Variants in HOOK3 observed in about 807,000 individuals in gnomAD.
The protein encoded by HOOK3 is protein Hook homolog 3.
A neutral mutation model predicts 116.3 loss-of-function variants in HOOK3; 24 were observed. The observed-to-expected ratio is 0.21, with a 90% CI of 0.15 to 0.29. HOOK3 has a LOEUF of 0.29. Among genes scored for constraint, HOOK3 ranks in the 10% least tolerant of loss-of-function variants. HOOK3 has a pLI of 1.00. For missense variants in HOOK3, 632 were observed against 830.2 expected (o/e 0.76, Z 2.93); for synonymous variants, 275 against 283.0 (o/e 0.97, Z 0.28).
intron 6 of HOOK3, 24 bp from the exon 7 acceptor site, chr8:42,957,070 T>A (rs886565609): frequency 6.7e-7 from 1 of 1,481,652 alleles, no homozygotes. Flanking sequence ...CTCATAGTTA[T>A]AATCATTTAA....
intron 8 of HOOK3, among the ~76,000 whole-genome samples, chr8:42,960,392 T>C (rs1056705230): frequency 6.6e-6 from 1 of 152,152 alleles, no homozygotes; most frequent in African/African-American, 2.4e-5. Flanking sequence ...AGAGAGGTTA[T>C]GAGAAGAGAA....
At chr8:42,991,252 A>G (rs1386408572) in intron 15 of HOOK3, among the ~76,000 whole-genome samples, 1 of 152,184 alleles carries the variant, frequency 6.6e-6, no homozygotes, top group East Asian at 1.9e-4. Context: ...CTTTTTGCTT[A>G]GAATAGCTTT....
chr8:42,929,166 C>T (rs1468170738), intron 3 of HOOK3, among the ~76,000 whole-genome samples: 1 of 151,974 alleles, frequency 6.6e-6, no homozygotes, highest in African/African-American at 2.4e-5. Context: ...ATTAAAAATA[C>T]GGGAAAATGA....
chr8:43,001,756 A>G (rs780047820), intron 16 of HOOK3, among the ~76,000 whole-genome samples: 2 of 152,158 alleles, frequency 1.3e-5, no homozygotes, highest in Non-Finnish European at 2.9e-5. Context: ...AAGTGTCTTA[A>G]AGGAAGTCTA....
chr8:42,896,992 C>A lies in HOOK3; in HGVS notation c.-140C>A. ...GGTGACGGTGCGGAGCCGCTGCCAG[C>A]GCTGGGCGAGAGTCGGCGGCCGGAT... On this transcript the variant is annotated 5_prime_UTR_variant, in exon 1 of 22. Coordinates refer to ENST00000307602, the MANE Select transcript of HOOK3 (RefSeq NM_032410.4). 1.9e-6 allele frequency: 1 copy of A among 517,116 alleles called. No individual in the cohort carries two copies. Among genetic ancestry groups the A allele is most frequent in the South Asian group, 9.8e-5 (1 of 10,162 alleles). 32.0% of individuals were successfully genotyped at this position (517,116 alleles called of 1,614,324 possible).
At chr8:42,939,001 C>T (rs902558784) in intron 4 of HOOK3, among the ~76,000 whole-genome samples, 1 of 152,162 alleles carries the variant, frequency 6.6e-6, no homozygotes, top group East Asian at 1.9e-4. Context: ...TGAGTGGATA[C>T]AGCACATGTT....
chr8:43,027,751 T>G lies in HOOK3; in HGVS notation c.*9253T>G, dbSNP rs986587511. ...GAGTAGATTATTCAGTAGCCACATG[T>G]GACAGTTAAAATTAAGTAAAATTAA... is the stretch of plus-strand genomic sequence containing the variant. On this transcript the variant is annotated 3_prime_UTR_variant, in exon 22 of 22. Coordinates refer to ENST00000307602, the MANE Select transcript of HOOK3 (RefSeq NM_032410.4). 1.4e-5 allele frequency: 3 copies of G among 207,314 alleles called. No individual in the cohort carries two copies. The highest frequency in any genetic ancestry group is 3.0e-5 in the Non-Finnish European group (3 of 101,300). 12.8% of individuals were successfully genotyped at this position (207,314 alleles called of 1,614,324 possible).
At chr8:43,008,744 C>G (rs1458609069) in intron 18 of HOOK3, among the ~76,000 whole-genome samples, 19 of 147,172 alleles carry the variant, frequency 1.3e-4, no homozygotes, top group African/African-American at 3.8e-4. Flanking sequence ...ACTGCAAGCT[C>G]CACCTCCCGG....
intron 7 of HOOK3, among the ~76,000 whole-genome samples, chr8:42,958,140 G>T (rs1416608656): frequency 1.3e-5 from 2 of 151,986 alleles, no homozygotes; most frequent in African/African-American, 4.8e-5. Context: ...CCTAAATATC[G>T]CTTCTTAATG....
intron 5 of HOOK3, among the ~76,000 whole-genome samples, chr8:42,948,561 T>G (rs1279246796): frequency 6.6e-6 from 1 of 152,176 alleles, no homozygotes; most frequent in Admixed American, 6.5e-5. Flanking sequence ...TTTCCTTCAC[T>G]TTCAATAGGC....
intron 21 of HOOK3, 48 bp from the exon 22 acceptor site, chr8:43,018,310 T>G (rs1701347932): frequency 6.6e-7 from 1 of 1,520,390 alleles, no homozygotes; most frequent in African/African-American, 1.4e-5. Context: ...TTGTGAAGTA[T>G]GTTCCACTAT....
intron 6 of HOOK3, among the ~76,000 whole-genome samples, chr8:42,951,241 A>C (rs1394746449): frequency 6.6e-6 from 1 of 151,452 alleles, no homozygotes; most frequent in Non-Finnish European, 1.5e-5. Context: ...TTGTATTTTT[A>C]ATAGAGACAG....
intron 4 of HOOK3, among the ~76,000 whole-genome samples, chr8:42,933,890 A>G (rs922784104): frequency 2.6e-5 from 4 of 152,092 alleles, no homozygotes; most frequent in South Asian, 2.1e-4. Context: ...GGGACCTTTT[A>G]GGTCCTTTTT....
At chr8:43,015,704 A>T (rs1196769875) in intron 21 of HOOK3, among the ~76,000 whole-genome samples, 1 of 152,148 alleles carries the variant, frequency 6.6e-6, no homozygotes, top group Non-Finnish European at 1.5e-5. Context: ...TTCAGGCCTT[A>T]TTAATAATTT....
intron 14 of HOOK3, among the ~76,000 whole-genome samples, chr8:42,983,333 CAAA>C (rs1307077397): frequency 3.6e-5 from 2 of 55,816 alleles, no homozygotes. Context: ...GACTCTGTCT[CAAA>C]AAAAAAAAAA....
chr8:42,964,562 C>A, intron 9 of HOOK3, 88 bp downstream of exon 9: 1 of 1,199,472 alleles, frequency 8.3e-7, no homozygotes, highest in Non-Finnish European at 1.2e-6. Context: ...CACATTGGTC[C>A]ATGCCTGGAA....
Position 42,964,352 on chromosome 8 carries a change from G to T in HOOK3, c.657G>T (p.Glu219Asp), listed in dbSNP as rs767999951. The change falls in exon 9 of 22, where the codon GAG becomes GAT. Residue 219 changes from glutamate (E) to aspartate (D), a missense_variant. By Grantham distance (45) the Glu-to-Asp change is conservative. Around this residue, in one of 3 missense-constraint regions of HOOK3, gnomAD observed 483 missense variants for 648.1 expected, o/e 0.75. Transcript: ENST00000307602. ...LQEEKSSLLAENQVLMERLNQ... is the reference protein window; with the variant it reads ...LQEEKSSLLADNQVLMERLNQ... ...AAGAGAAAAGTAGTTTGTTGGCAGA[G>T]AATCAGGTATTAATGGAAAGACTCA... 2 of 1,614,146 alleles carry T rather than the reference G, an allele frequency of 1.2e-6. No homozygotes were observed. The highest frequency in any genetic ancestry group is 1.7e-6 in the Non-Finnish European group (2 of 1,180,020).
At chr8:42,955,307 G>C (rs1808413340) in intron 6 of HOOK3, among the ~76,000 whole-genome samples, 1 of 152,138 alleles carries the variant, frequency 6.6e-6, no homozygotes, top group African/African-American at 2.4e-5. Context: ...CTGCCTGTGG[G>C]TCTTGAGTGT....
At chr8:42,920,475 A>C (rs2130349358) in intron 2 of HOOK3, among the ~76,000 whole-genome samples, 1 of 152,346 alleles carries the variant, frequency 6.6e-6, no homozygotes, top group Non-Finnish European at 1.5e-5. Context: ...AAACTTACTA[A>C]GTGCTGTCCC....
Sources: gnomAD v4.1 joint callset for allele counts (sites outside exome capture counted in the v4.1 genomes callset) on GRCh38, gnomAD v4.1.1 for gene constraint, gnomAD v4.1.1 regional missense constraint, MANE v1.5 for transcripts, NCBI Gene and HGNC (gene_info 2026-07-23, HGNC 2026-07-21) for gene names.